GRM5: variants seen among roughly 807,000 people sequenced by gnomAD.
GRM5 encodes the protein glutamate metabotropic receptor 5.
Under a neutral mutation model 83.1 loss-of-function variants are expected in GRM5, and 19 were observed. That is an observed-to-expected ratio of 0.23 (90% CI 0.16 to 0.34). The LOEUF is 0.34. GRM5 is among the 10% of genes least tolerant of loss of function. GRM5 has a pLI of 1.00. For missense variants in GRM5, 1,160 were observed against 1,588.3 expected (o/e 0.73, Z 4.58); for synonymous variants, 675 against 633.6 (o/e 1.07, Z -0.98).
chr11:88,545,355 A>G (rs540294035), intron 8 of GRM5, among the ~76,000 whole-genome samples: 1 of 152,252 alleles, frequency 6.6e-6, no homozygotes, highest in South Asian at 2.1e-4. Flanking sequence ...TAATAGTTCC[A>G]AAAACAAACA....
At position 88,884,488 on chromosome 11, in the gene GRM5, T is replaced by C. The variant is rs536694782; in HGVS notation, c.662-34333A>G. 5.9e-5 allele frequency among the ~76,000 whole-genome samples: 9 copies of C among 152,304 alleles called. No homozygotes were observed. The South Asian group carries it at 6.2e-4, about 11-fold the overall frequency. ...TCAGATGAGACTTTGGACTGTGGGC[T>C]TTTTAGTTAATGCTGAAATGAGTTA... On this transcript the variant is annotated intron_variant, in intron 2 of 9. Coordinates refer to ENST00000305447, the MANE Select transcript of GRM5 (RefSeq NM_001143831.3).
intron 3 of GRM5, among the ~76,000 whole-genome samples, chr11:88,692,844 C>G (rs191667431): frequency 2.8e-4 from 42 of 152,268 alleles, no homozygotes; most frequent in Admixed American, 1.9e-3. Context: ...CCCTCCATGC[C>G]TCCATCCTGG....
intron 3 of GRM5, among the ~76,000 whole-genome samples, chr11:88,723,458 C>T (rs772931283): frequency 5.9e-5 from 9 of 152,036 alleles, no homozygotes; most frequent in Admixed American, 1.3e-4. Context: ...ACTGTTTGTT[C>T]GTTTGTATTC....
chr11:88,648,281 A>C (rs886152557), intron 4 of GRM5, among the ~76,000 whole-genome samples: 3 of 149,582 alleles, frequency 2.0e-5, no homozygotes, highest in Non-Finnish European at 4.5e-5. Flanking sequence ...AGACTGGATT[A>C]AGAAAATGTG....
At chr11:88,874,148 T>G (rs1292649187) in intron 2 of GRM5, among the ~76,000 whole-genome samples, 4 of 140,054 alleles carry the variant, frequency 2.9e-5, no homozygotes, top group Non-Finnish European at 3.1e-5. Flanking sequence ...AAGAAAGAAA[T>G]AATACCAATC....
chr11:88,726,424 G>T (rs892692339), intron 3 of GRM5, among the ~76,000 whole-genome samples: 1 of 152,186 alleles, frequency 6.6e-6, no homozygotes, highest in Non-Finnish European at 1.5e-5. Flanking sequence ...TGGTGTACCT[G>T]AAAGTGATGA....
intron 2 of GRM5, among the ~76,000 whole-genome samples, chr11:88,855,890 T>C (rs1228019888): frequency 1.3e-5 from 2 of 151,934 alleles, no homozygotes; most frequent in Admixed American, 1.3e-4. Flanking sequence ...ACGTATTTCT[T>C]GTACAGAAAA....
At chr11:88,618,992 T>C (rs1938562185) in intron 4 of GRM5, among the ~76,000 whole-genome samples, 1 of 152,164 alleles carries the variant, frequency 6.6e-6, no homozygotes, top group South Asian at 2.1e-4. Context: ...CTTTTCCTTC[T>C]TTTTTTCTTT....
At chr11:88,701,024 T>C (rs1029613769) in intron 3 of GRM5, among the ~76,000 whole-genome samples, 1 of 152,164 alleles carries the variant, frequency 6.6e-6, no homozygotes, top group Non-Finnish European at 1.5e-5. Flanking sequence ...GGGTTTTCTG[T>C]GCTTTTCATC....
intron 2 of GRM5, among the ~76,000 whole-genome samples, chr11:89,021,382 A>T (rs1940979951): frequency 6.6e-6 from 1 of 152,172 alleles, no homozygotes; most frequent in African/African-American, 2.4e-5. Flanking sequence ...CTGGCAACTC[A>T]TTGGATAACT....
At chr11:88,679,984 C>A (rs973505349) in intron 3 of GRM5, among the ~76,000 whole-genome samples, 1 of 152,090 alleles carries the variant, frequency 6.6e-6, no homozygotes, top group African/African-American at 2.4e-5. Flanking sequence ...AATTATTAAA[C>A]CACTAATTCT....
chr11:88,917,385 G>T lies in GRM5; in HGVS notation c.662-67230C>A, dbSNP rs549662189. 3.9e-5 allele frequency among the ~76,000 whole-genome samples: 6 copies of T among 152,210 alleles called. No homozygotes were observed. The South Asian group carries it at 1.0e-3, about 26-fold the overall frequency. ...TATCAAGAATTATAGGTATAAATAAGCTCAGACTGCAATGATTAGAATAAA... is the reference window on the plus strand; with the variant it reads ...TATCAAGAATTATAGGTATAAATAATCTCAGACTGCAATGATTAGAATAAA... On this transcript the variant is annotated intron_variant, in intron 2 of 9. Transcript: ENST00000305447.
chr11:88,975,986 C>T (rs966336529), intron 2 of GRM5, among the ~76,000 whole-genome samples: 5 of 152,104 alleles, frequency 3.3e-5, no homozygotes, highest in African/African-American at 9.7e-5. Flanking sequence ...TATGGTCTCA[C>T]GTTGGTTTTA....
At chr11:88,634,182 C>A (rs7114226) in intron 4 of GRM5, among the ~76,000 whole-genome samples, 8,465 of 152,146 alleles carry the variant, frequency 0.056, 479 homozygotes, top group African/African-American at 0.15. Flanking sequence ...CTGGGCAAGT[C>A]AGTGAGTGAG....
chr11:88,997,188 T>C (rs1358019013), intron 2 of GRM5, among the ~76,000 whole-genome samples: 1 of 151,114 alleles, frequency 6.6e-6, no homozygotes, highest in Non-Finnish European at 1.5e-5. Context: ...TTAGCTGGGC[T>C]TTGTGGCAGG....
chr11:88,575,608 C>A (rs529831603), intron 7 of GRM5, among the ~76,000 whole-genome samples: 1 of 152,318 alleles, frequency 6.6e-6, no homozygotes, highest in African/African-American at 2.4e-5. Context: ...CTTGAGAAAT[C>A]TCATTGGTTC....
intron 2 of GRM5, among the ~76,000 whole-genome samples, chr11:88,978,132 C>T (rs1939399676): frequency 6.6e-6 from 1 of 152,066 alleles, no homozygotes; most frequent in South Asian, 2.1e-4. Flanking sequence ...TAAATAAGTC[C>T]TAGGTATTTA....
intron 2 of GRM5, among the ~76,000 whole-genome samples, chr11:88,959,619 C>A (rs190683541): frequency 1.3e-5 from 2 of 152,110 alleles, no homozygotes; most frequent in East Asian, 3.9e-4. Flanking sequence ...TTGAGATACT[C>A]TATTTCAAGA....
At chr11:88,987,417 G>A (rs1044766644) in intron 2 of GRM5, among the ~76,000 whole-genome samples, 1 of 151,984 alleles carries the variant, frequency 6.6e-6, no homozygotes, top group Admixed American at 6.6e-5. Context: ...CTGCAAGGCG[G>A]CAGCGAGGTT....
Sources: allele counts gnomAD v4.1 joint callset (sites outside exome capture counted in the v4.1 genomes callset), GRCh38; gene constraint gnomAD v4.1.1; transcripts MANE v1.5; gene names NCBI Gene and HGNC (gene_info 2026-07-23, HGNC 2026-07-21).